STIM2: variants seen among roughly 807,000 people sequenced by gnomAD.
The protein encoded by STIM2 is stromal interaction molecule 2.
In STIM2, 31 loss-of-function variants were observed where a neutral mutation model predicts 85.8. That is an observed-to-expected ratio of 0.36 (90% CI 0.27 to 0.49). STIM2 has a LOEUF of 0.49. STIM2 is among the 20% of genes least tolerant of loss of function. The pLI, the probability that STIM2 is intolerant of heterozygous loss-of-function variation, is 0.98. For missense variants in STIM2, 841 were observed against 927.6 expected (o/e 0.91, Z 1.21); for synonymous variants, 356 against 331.1 (o/e 1.08, Z -0.82).
intron 2 of STIM2, among the ~76,000 whole-genome samples, chr4:26,927,888 T>C (rs2109071563): frequency 6.9e-6 from 1 of 144,152 alleles, no homozygotes; most frequent in East Asian, 2.0e-4. Flanking sequence ...TAATATATAA[T>C]ATAAATATAT....
intron 3 of STIM2, among the ~76,000 whole-genome samples, chr4:26,985,414 A>T (rs1374963575): frequency 6.6e-6 from 1 of 152,212 alleles, no homozygotes; most frequent in Non-Finnish European, 1.5e-5. Flanking sequence ...AATTGGATTT[A>T]AAAGTAGTCA....
intron 10 of STIM2, 42 bp downstream of exon 10, chr4:27,009,044 A>G (rs1728471280): frequency 6.4e-7 from 1 of 1,570,468 alleles, no homozygotes; most frequent in Non-Finnish European, 8.7e-7. Context: ...ACAGGTTTTA[A>G]AGTAATTTTC....
chr4:26,970,936 TG>T (rs1726924869), intron 3 of STIM2, among the ~76,000 whole-genome samples: 2 of 152,220 alleles, frequency 1.3e-5, no homozygotes, highest in African/African-American at 4.8e-5. Context: ...ATTGCCGTTC[TG>T]ATTGGCATGA....
At chr4:26,871,172 T>G (rs542955081) in intron 1 of STIM2, among the ~76,000 whole-genome samples, 1 of 152,324 alleles carries the variant, frequency 6.6e-6, no homozygotes, top group East Asian at 1.9e-4. Flanking sequence ...AGGCATTTTG[T>G]ATGTTTCATC....
chr4:26,994,000 A>G (rs1187985870), intron 3 of STIM2, among the ~76,000 whole-genome samples: 1 of 152,132 alleles, frequency 6.6e-6, no homozygotes, highest in Non-Finnish European at 1.5e-5. Context: ...TAAAATAAAT[A>G]TCCAGGAGAA....
At position 27,023,322 on chromosome 4, in the gene STIM2, A is replaced by G. The variant is rs773275902; in HGVS notation, c.*326A>G. On this transcript the variant is annotated 3_prime_UTR_variant, in exon 12 of 12. Coordinates refer to ENST00000467087, the MANE Select transcript of STIM2 (RefSeq NM_020860.4). Reference sequence around the variant, plus strand: ...TGTTGAAAGCCACGATGGACTTACAAGCTTTAATGGACTCGTAAGCCAGCA... The same window carrying G: ...TGTTGAAAGCCACGATGGACTTACAGGCTTTAATGGACTCGTAAGCCAGCA... 1.1e-5 allele frequency: 3 copies of G among 261,744 alleles called. No individual in the cohort carries two copies. Among genetic ancestry groups the G allele is most frequent in the Non-Finnish European group, 2.2e-5 (3 of 135,034 alleles). 16.2% of individuals were successfully genotyped at this position (261,744 alleles called of 1,614,324 possible). A position where few individuals can be genotyped will look rare whatever the true frequency, so the allele number is the denominator to read the frequency against.
At chr4:26,968,442 C>T (rs1173767862) in intron 3 of STIM2, among the ~76,000 whole-genome samples, 1 of 152,154 alleles carries the variant, frequency 6.6e-6, no homozygotes, top group Non-Finnish European at 1.5e-5. Flanking sequence ...TTGCGGGATT[C>T]TACTTCCGTG....
At chr4:26,863,524 T>C (rs1722294589) in intron 1 of STIM2, among the ~76,000 whole-genome samples, 1 of 152,112 alleles carries the variant, frequency 6.6e-6, no homozygotes, top group Non-Finnish European at 1.5e-5. Flanking sequence ...TAGGGCTCTT[T>C]CCCATTCTTA....
rs1174183819 is a variant in STIM2 at position 27,000,088 on chromosome 4, AATAC to A, written c.625+743_625+746del. On this transcript the variant is annotated intron_variant, in intron 5 of 11. Coordinates refer to ENST00000467087, the MANE Select transcript of STIM2 (RefSeq NM_020860.4). ...TTAGTCAAAAAAGTATAACAAAATT[AATAC>A]AAGAAAAATGCCTTCCACAAGTTAT... Among the ~76,000 whole-genome samples the A allele has an allele frequency of 6.6e-5, 10 of 152,242 alleles. No individual in the cohort carries two copies. In the South Asian group the frequency reaches 1.5e-3, roughly 22 times the overall value.
intron 3 of STIM2, among the ~76,000 whole-genome samples, chr4:26,974,432 G>C (rs965184380): frequency 6.6e-6 from 1 of 152,190 alleles, no homozygotes; most frequent in Non-Finnish European, 1.5e-5. Context: ...AGGCAGGCCT[G>C]GTGGTGACAG....
intron 3 of STIM2, among the ~76,000 whole-genome samples, chr4:26,981,354 ATACT>A (rs1727384655): frequency 6.6e-6 from 1 of 152,238 alleles, no homozygotes; most frequent in Non-Finnish European, 1.5e-5. Context: ...AAAGGCTACC[ATACT>A]TTCTTGGAGA....
intron 1 of STIM2, among the ~76,000 whole-genome samples, chr4:26,912,944 C>T (rs1724396585): frequency 1.3e-5 from 2 of 152,242 alleles, no homozygotes; most frequent in Admixed American, 6.5e-5. Context: ...TTGCAGTTAA[C>T]TCAGTATTCT....
Position 27,003,079 on chromosome 4 carries a change from A to G in STIM2, c.956A>G (p.Gln319Arg). The G allele has an allele frequency of 6.3e-7, 1 of 1,586,756 alleles. No individual in the cohort carries two copies. The highest frequency in any genetic ancestry group is 8.5e-7 in the Non-Finnish European group (1 of 1,170,288). ...GCTGAATGTGAATTGAGTAGACGTC[A>G]GTATGCAGAACAGGAATTGGAACAG... is the stretch of plus-strand genomic sequence containing the variant. Residue 319 changes from glutamine to arginine, a missense_variant, in exon 7 of 12, where the codon CAG becomes CGG. Physicochemically the swap from Gln to Arg is conservative, Grantham distance 43. Around this residue, in one of 3 missense-constraint regions of STIM2, gnomAD observed 408 missense variants for 525.4 expected, o/e 0.78. Coordinates refer to ENST00000467087, the MANE Select transcript of STIM2 (RefSeq NM_020860.4).
intron 2 of STIM2, among the ~76,000 whole-genome samples, chr4:26,949,007 A>G (rs763902985): frequency 1.3e-5 from 2 of 152,172 alleles, no homozygotes; most frequent in Admixed American, 6.5e-5. Flanking sequence ...CAGTACATAC[A>G]GTGTATTCAT....
At chr4:26,988,777 G>C (rs1050439365) in intron 3 of STIM2, among the ~76,000 whole-genome samples, 2 of 152,114 alleles carry the variant, frequency 1.3e-5, no homozygotes, top group African/African-American at 4.8e-5. Flanking sequence ...CTTAATAAAT[G>C]TTAGCAGTTT....
intron 2 of STIM2, among the ~76,000 whole-genome samples, chr4:26,956,441 G>A (rs1392815518): frequency 4.7e-5 from 7 of 147,776 alleles, no homozygotes; most frequent in African/African-American, 1.5e-4. Context: ...TGATTTCAAT[G>A]CCTTTTTTTT....
At chr4:26,863,546 A>T (rs1026144160) in intron 1 of STIM2, among the ~76,000 whole-genome samples, 4 of 152,118 alleles carry the variant, frequency 2.6e-5, no homozygotes, top group Admixed American at 2.0e-4. Context: ...GAGTGTATGA[A>T]TAGTGCTTTC....
chr4:27,007,941 A>G, intron 8 of STIM2: 1 of 724,884 alleles, frequency 1.4e-6, no homozygotes, highest in African/African-American at 1.8e-5. Flanking sequence ...ATTCTTTTTT[A>G]TCATTATCAT....
chr4:26,999,292 C>G lies in STIM2; in HGVS notation c.570C>G (p.His190Gln). 6.2e-7 allele frequency: 1 copy of G among 1,609,850 alleles called. No homozygotes were observed. The highest frequency in any genetic ancestry group is 8.5e-7 in the Non-Finnish European group (1 of 1,177,968). Residue 190 changes from histidine to glutamine, a missense_variant, in exon 5 of 12, where the codon CAC becomes CAG. By Grantham distance (24) the His-to-Gln change is conservative. Around this residue, in one of 3 missense-constraint regions of STIM2, gnomAD observed 408 missense variants for 525.4 expected, o/e 0.78. Coordinates refer to ENST00000467087, the MANE Select transcript of STIM2 (RefSeq NM_020860.4). ...AGTTGAAAATCAGTGACCGGAGTCA[C>G]AGACAAAAACTTCAGCTCAAGGCAT...
Sources: gnomAD v4.1 joint callset for allele counts (sites outside exome capture counted in the v4.1 genomes callset) on GRCh38, gnomAD v4.1.1 for gene constraint, gnomAD v4.1.1 regional missense constraint, MANE v1.5 for transcripts, NCBI Gene and HGNC (gene_info 2026-07-23, HGNC 2026-07-21) for gene names.